Variants in PKD1L3 observed in about 807,000 individuals in gnomAD.
PKD1L3 encodes polycystin 1 like 3, transient receptor potential channel interacting, also known as polycystin-1-like protein 3.
Under a neutral mutation model 184.1 loss-of-function variants are expected in PKD1L3, and 239 were observed. The ratio of observed to expected loss-of-function variants is 1.30; its 90% CI spans 1.17 to 1.45. PKD1L3 has a LOEUF of 1.45. PKD1L3 is among the 40% of genes most tolerant of loss of function. The pLI is 0.00. For missense variants in PKD1L3, 2,660 were observed against 2,067.2 expected, an observed-to-expected ratio of 1.29 and a Z score of -5.56; for synonymous variants, 996 against 778.8, an observed-to-expected ratio of 1.28 and a Z score of -4.64.
chr16:71,990,742 G>A (rs915380652), intron 3 of PKD1L3, among the ~76,000 whole-genome samples: 2 of 148,808 alleles, frequency 1.3e-5, no homozygotes, highest in African/African-American at 5.0e-5. Flanking sequence ...CCCACCCCCT[G>A]CCAAAAAAAA....
In PKD1L3 at chr16:71,945,301, TATATACACACACACACAC is replaced by T. The variant is rs2038541579; in HGVS notation, c.3719-1149_3719-1132del. Among the ~76,000 whole-genome samples the T allele has an allele frequency of 2.0e-4, 11 of 55,690 alleles. No individual in the cohort carries two copies. In the East Asian group the frequency reaches 5.8e-3, roughly 29 times the overall value. The allele number at this position is 55,690 out of a possible 152,430, so 36.5% of individuals were successfully genotyped here. On this transcript the variant is annotated intron_variant, in intron 22 of 29. Transcript: ENST00000620267. The stretch of plus-strand genomic sequence containing the variant: ...ATATATATATATATATATATATATA[TATATACACACACACACAC>T]ACATATATACACACACACACACATA...
rs66523761 is a variant in PKD1L3, at chr16:71,983,659, C to CTTTTTTTT, written c.966+376_966+377insAAAAAAAA. Among the ~76,000 whole-genome samples, 428 of 92,394 alleles carry CTTTTTTTT rather than the reference C, an allele frequency of 4.6e-3. 111 individuals are homozygous for CTTTTTTTT. The highest frequency in any genetic ancestry group is 0.026 in the Middle Eastern group (3 of 114). The allele number at this position is 92,394 out of a possible 152,430, so 60.6% of individuals were successfully genotyped here. ...GCATAAGGCACAATCTCCAGATTCT[C>CTTTTTTTT]TTTCTTTTTTTTTTTTTTTTTTTTT... On this transcript the variant is annotated intron_variant, in intron 6 of 29. Transcript: ENST00000620267.
At chr16:71,993,837 C>T (rs759018215) in intron 2 of PKD1L3, among the ~76,000 whole-genome samples, 6 of 152,168 alleles carry the variant, frequency 3.9e-5, no homozygotes, top group Non-Finnish European at 7.3e-5. Flanking sequence ...TGCAATGGCA[C>T]GATCTGGGCT....
chr16:71,997,522 G>A (rs759080671), intron 2 of PKD1L3, among the ~76,000 whole-genome samples: 1 of 152,124 alleles, frequency 6.6e-6, no homozygotes, highest in Non-Finnish European at 1.5e-5. Flanking sequence ...GCCAAGGCAG[G>A]CGGATCATCT....
chr16:71,952,119 G>T (rs1444378739), intron 18 of PKD1L3, among the ~76,000 whole-genome samples: 9 of 151,318 alleles, frequency 5.9e-5, no homozygotes, highest in African/African-American at 2.2e-4. Context: ...TATATTACAG[G>T]TAACAGGACC....
At chr16:71,936,282 T>C (rs1176108379) in intron 25 of PKD1L3, among the ~76,000 whole-genome samples, 1 of 151,294 alleles carries the variant, frequency 6.6e-6, no homozygotes, top group African/African-American at 2.4e-5. Flanking sequence ...CTTGGCTCAC[T>C]GCAACCTCTG....
At position 71,977,228 on chromosome 16, in the gene PKD1L3, G is replaced by T; in HGVS notation, c.1759+8C>A. On this transcript the variant is annotated splice_region_variant and intron_variant, in intron 11 of 29. Transcript: ENST00000620267. ...AAAGTAAGTTTCTGACAGCTGATTG[G>T]GTTTTACCTTTTTGCCACACCTTAT... 4.0e-6 allele frequency: 6 copies of T among 1,497,576 alleles called. No individual in the cohort carries two copies. Among genetic ancestry groups the T allele is most frequent in the Non-Finnish European group, 4.6e-6 (5 of 1,097,966 alleles). 92.8% of individuals were successfully genotyped at this position (1,497,576 alleles called of 1,614,324 possible).
intron 7 of PKD1L3, 42 bp downstream of exon 7, chr16:71,982,017 T>G: frequency 6.8e-7 from 1 of 1,461,980 alleles, no homozygotes; most frequent in Non-Finnish European, 9.1e-7. Flanking sequence ...AAGATTAAAA[T>G]GCTTCTAAGC....
chr16:71,953,050 G>C lies in PKD1L3; in HGVS notation c.2853C>G (p.Ile951Met). ...AVAWSELLVS[I>M]HTAVILFPIN... ...TTGGGAAGAGGATGACAGCAGTATG[G>C]ATGCTGACCAGCAGTTCAGACCAGG... The change falls in exon 18 of 30, where the codon ATC (isoleucine) becomes ATG (methionine). Residue 951 changes from isoleucine (I) to methionine (M), a missense_variant. Transcript: ENST00000620267. 2 of 1,536,964 alleles carry C rather than the reference G, an allele frequency of 1.3e-6. No homozygotes were observed. Among genetic ancestry groups the C allele is most frequent in the Non-Finnish European group, 1.8e-6 (2 of 1,141,502 alleles).
At chr16:71,929,746 AG>A (rs1449902792) in intron 29 of PKD1L3, 68 bp from the exon 30 acceptor site, 3 of 1,373,048 alleles carry the variant, frequency 2.2e-6, no homozygotes, top group Non-Finnish European at 2.9e-6. Flanking sequence ...GAGTAAAAAA[AG>A]TACCAAAGAT....
At chr16:71,992,658 G>C (rs1175074885) in intron 3 of PKD1L3, among the ~76,000 whole-genome samples, 2 of 152,142 alleles carry the variant, frequency 1.3e-5, no homozygotes, top group African/African-American at 4.8e-5. Flanking sequence ...ATATATTCAT[G>C]TCTCTAAATA....
chr16:71,962,236 G>A (rs1190624984), intron 16 of PKD1L3, among the ~76,000 whole-genome samples: 3 of 152,032 alleles, frequency 2.0e-5, no homozygotes, highest in Admixed American at 2.0e-4. Flanking sequence ...GACATGGTGT[G>A]TGGGCCTCTT....
Position 71,973,242 on chromosome 16 carries a change from G to A in PKD1L3, c.1953+82C>T, listed in dbSNP as rs116537532. 3,200 of 1,419,204 alleles carry A rather than the reference G, an allele frequency of 2.3e-3. 50 individuals carry two copies. The African/African-American group carries it at 0.036, about 16-fold the overall frequency. 87.9% of individuals were successfully genotyped at this position (1,419,204 alleles called of 1,614,324 possible). ...ACCTGATTATTTTTCTTTCTGGGCT[G>A]CCCCAAATGAGATAACGGATGCATT... is the stretch of plus-strand genomic sequence containing the variant. On this transcript the variant is annotated intron_variant, in intron 12 of 29. Coordinates refer to ENST00000620267, the MANE Select transcript of PKD1L3 (RefSeq NM_181536.2).
intron 14 of PKD1L3, among the ~76,000 whole-genome samples, 176 bp downstream of exon 14, chr16:71,967,730 A>G (rs12708922): frequency 0.27 from 40,545 of 151,996 alleles, 5,714 homozygotes; most frequent in South Asian, 0.41. Context: ...CTCCCAAAGT[A>G]TTGGGATTAC....
Position 71,986,338 on chromosome 16 carries a change from C to A in PKD1L3, c.717G>T (p.Val239=), listed in dbSNP as rs1002217511. Residue 239 remains valine, a synonymous_variant, in exon 5 of 30, where the codon GTG becomes GTT. Coordinates refer to ENST00000620267, the MANE Select transcript of PKD1L3 (RefSeq NM_181536.2). ...LPVITQLTMP[V]SVTHAGQSLA... Reference sequence around the variant, plus strand: ...GAGATTGCCCAGCATGCGTGACAGACACGGGCATGGTGAGCTGTGTTATCA... The same window carrying A: ...GAGATTGCCCAGCATGCGTGACAGAAACGGGCATGGTGAGCTGTGTTATCA... 3.2e-6 allele frequency: 5 copies of A among 1,551,932 alleles called. No individual in the cohort carries two copies. In the Admixed American group the frequency reaches 7.8e-5, roughly 24 times the overall value.
chr16:71,974,019 T>A (rs113109134), intron 11 of PKD1L3, among the ~76,000 whole-genome samples: 1,140 of 11,586 alleles, frequency 0.098, 7 homozygotes, highest in South Asian at 0.35. Context: ...AAAAAAAATA[T>A]ATATATTCTT....
Position 71,977,411 on chromosome 16 carries a change from G to A in PKD1L3, c.1584C>T (p.Ser528=), listed in dbSNP as rs1212864492. ...LETHPTSLNM[S]THQLTITVNV... is the part of the protein sequence containing the mutation. Reference sequence around the variant, plus strand: ...TCACTGTGATTGTAAGCTGATGTGTGCTCATGTTGAGGCTGGTGGGATGGG... The same window carrying A: ...TCACTGTGATTGTAAGCTGATGTGTACTCATGTTGAGGCTGGTGGGATGGG... Residue 528 remains serine, a synonymous_variant, in exon 11 of 30, where the codon AGC becomes AGT. Transcript: ENST00000620267. 4 of 1,551,486 alleles carry A rather than the reference G, an allele frequency of 2.6e-6. No individual in the cohort carries two copies. The Admixed American group carries it at 7.8e-5, about 30-fold the overall frequency.
chr16:71,997,340 A>T (rs535139905), intron 2 of PKD1L3, among the ~76,000 whole-genome samples: 1 of 151,078 alleles, frequency 6.6e-6, no homozygotes, highest in Non-Finnish European at 1.5e-5. Context: ...TAATCCTAGC[A>T]CTTTGAGAGG....
chr16:71,933,300 T>A, intron 28 of PKD1L3, 120 bp downstream of exon 28: 1 of 740,892 alleles, frequency 1.3e-6, no homozygotes, highest in Non-Finnish European at 2.4e-6. Flanking sequence ...AGCAAAGGAC[T>A]GAAATTTTCC....
Sources: allele counts gnomAD v4.1 joint callset (sites outside exome capture counted in the v4.1 genomes callset), GRCh38; gene constraint gnomAD v4.1.1; transcripts MANE v1.5; gene names NCBI Gene and HGNC (gene_info 2026-07-23, HGNC 2026-07-21).